The following DNM1 variants were observed in gnomAD, a reference collection of about 807,000 sequenced individuals.
DNM1 encodes the protein dynamin 1.
In DNM1, 29 loss-of-function variants were observed where a neutral mutation model predicts 104.6. The ratio of observed to expected loss-of-function variants is 0.28; its 90% CI spans 0.21 to 0.38. The LOEUF (loss-of-function observed/expected upper bound fraction) is 0.38, where lower values mean the gene tolerates loss of function less well. Among genes scored for constraint, DNM1 ranks in the 10% least tolerant of loss-of-function variants. DNM1 has a pLI of 1.00. For synonymous variants in DNM1, 445 were observed against 475.8 expected (o/e 0.94, Z 0.84); for missense variants, 640 against 1,189.4 (o/e 0.54, Z 6.79).
In DNM1 at chr9:128,255,212, TGAG is replaced by T. The variant is rs1829771958; in HGVS notation, c.*499_*501del. 1 of 155,860 alleles carries T rather than the reference TGAG, an allele frequency of 6.4e-6. No homozygotes were observed. Among genetic ancestry groups the T allele is most frequent in the African/African-American group, 2.4e-5 (1 of 41,466 alleles). 9.7% of individuals were successfully genotyped at this position (155,860 alleles called of 1,614,324 possible). ...TCTACCAGTCCTGCTGTCCCTCGGC[TGAG>T]AATAAAACCCATTTCTGGATGATGG... is the stretch of plus-strand genomic sequence containing the variant. On this transcript the variant is annotated 3_prime_UTR_variant, in exon 22 of 22. Transcript: ENST00000372923.
intron 1 of DNM1, among the ~76,000 whole-genome samples, chr9:128,216,837 T>C (rs191261445): frequency 6.6e-6 from 1 of 152,246 alleles, no homozygotes; most frequent in East Asian, 1.9e-4. Context: ...GAATGTATCT[T>C]TTTCCCTCCC....
chr9:128,207,816 C>G (rs1031949702), intron 1 of DNM1, among the ~76,000 whole-genome samples: 6 of 152,112 alleles, frequency 3.9e-5, no homozygotes, highest in Admixed American at 2.6e-4. Context: ...CCTGCCTGGG[C>G]GTAGACAGGC....
At position 128,224,402 on chromosome 9, in the gene DNM1, C is replaced by T. The variant is rs1330389436; in HGVS notation, c.1335+13C>T. On this transcript the variant is annotated intron_variant, in intron 10 of 21. Coordinates refer to ENST00000372923, the MANE Select transcript of DNM1 (RefSeq NM_004408.4). The surrounding 1 kb of genome is among the most constrained non-coding windows in gnomAD (Gnocchi z 4.3). ...GTGCACCAAGAAGGTAACCCGGAGG[C>T]CCGGGCCAGCCCCCACCGCCTCTGC... 8 of 1,602,594 alleles carry T rather than the reference C, an allele frequency of 5.0e-6. No individual in the cohort carries two copies. The highest frequency in any genetic ancestry group is 2.2e-5 in the East Asian group (1 of 44,650).
At position 128,253,427 on chromosome 9, in the gene DNM1, G is replaced by C. The variant is rs1829652303; in HGVS notation, c.2535-1227G>C. On this transcript the variant is annotated intron_variant, in intron 21 of 21. Transcript: ENST00000372923. The surrounding 1 kb of genome is among the most constrained non-coding windows in gnomAD (Gnocchi z 5.9). ...GCAGACATGGGTGCTCTCTGGAGCC[G>C]TCAGAGAGGGCAGAGAGCTCGTGGT... is the stretch of plus-strand genomic sequence containing the variant. The C allele has an allele frequency of 2.0e-6, 1 of 503,064 alleles. No individual in the cohort carries two copies. The highest frequency in any genetic ancestry group is 3.6e-6 in the Non-Finnish European group (1 of 278,976). 31.2% of individuals were successfully genotyped at this position (503,064 alleles called of 1,614,324 possible).
rs975548705 is a variant in DNM1 at position 128,240,172 on chromosome 9, G to A, written c.1557+176G>A. Among the ~76,000 whole-genome samples the A allele has an allele frequency of 2.0e-5, 3 of 152,120 alleles. No homozygotes were observed. Among genetic ancestry groups the A allele is most frequent in the South Asian group, 2.1e-4 (1 of 4,838 alleles). On this transcript the variant is annotated intron_variant, in intron 14 of 21. Transcript: ENST00000372923. This position sits in a 1 kb window ranked among gnomAD's most constrained non-coding sequence, Gnocchi z 5.1. ...GAGGCAGGCCCAGCCGCATCCACCCGTCCATCTGTGTGCACGAGCCAAGCA... is the reference window on the plus strand; with the variant it reads ...GAGGCAGGCCCAGCCGCATCCACCCATCCATCTGTGTGCACGAGCCAAGCA...
rs1285640797 is a variant in DNM1, at chr9:128,243,763, T to C, written c.1671+1418T>C. Among the ~76,000 whole-genome samples the C allele has an allele frequency of 6.6e-6, 1 of 151,854 alleles. No homozygotes were observed. Among genetic ancestry groups the C allele is most frequent in the Non-Finnish European group, 1.5e-5 (1 of 67,926 alleles). On this transcript the variant is annotated intron_variant, in intron 15 of 21. Transcript: ENST00000372923. The surrounding 1 kb of genome is among the most constrained non-coding windows in gnomAD (Gnocchi z 4.0). ...CTGAGGGCCGGAGACCGGGTGACAC[T>C]GTGGGGGAGGGGCACGTGCCACTGA...
intron 1 of DNM1, among the ~76,000 whole-genome samples, chr9:128,210,437 C>T (rs528349736): frequency 6.6e-6 from 1 of 151,848 alleles, no homozygotes; most frequent in African/African-American, 2.4e-5. Context: ...TCTCAGCTCA[C>T]TGCAACCTCC....
rs75242606 is a variant in DNM1, at chr9:128,214,365, C to T, written c.162-3866C>T. Among the ~76,000 whole-genome samples the T allele has an allele frequency of 8.6e-3, 1,317 of 152,294 alleles. 25 individuals are homozygous for T. The highest frequency in any genetic ancestry group is 0.03 in the African/African-American group (1,264 of 41,560). On this transcript the variant is annotated intron_variant, in intron 1 of 21. Transcript: ENST00000372923. ...TCATTTGTGCACAGCCACACAGCTC[C>T]TACATGACAGCTCAGACATTCAATG...
At chr9:128,237,772 T>C (rs1836104563) in intron 11 of DNM1, among the ~76,000 whole-genome samples, 2 of 151,922 alleles carry the variant, frequency 1.3e-5, no homozygotes, top group East Asian at 3.9e-4. Flanking sequence ...ATGTGCATTG[T>C]TTGTTTGTTT....
chr9:128,207,599 A>G (rs1466095613), intron 1 of DNM1, among the ~76,000 whole-genome samples: 2 of 152,096 alleles, frequency 1.3e-5, no homozygotes, highest in Non-Finnish European at 2.9e-5. Flanking sequence ...GTGTGGAGTC[A>G]GACCTGCCGA....
chr9:128,220,082 C>T lies in DNM1; in HGVS notation c.684C>T (p.Arg228=), dbSNP rs748756343. 8.1e-6 allele frequency: 13 copies of T among 1,613,256 alleles called. No individual in the cohort carries two copies. The South Asian group carries it at 1.3e-4, about 16-fold the overall frequency. ...TGGAGAACAAGCTGCTCCCCCTGCGCAGAGGTAAGCAGGCCATGCCCCTCA... is the reference window on the plus strand; with the variant it reads ...TGGAGAACAAGCTGCTCCCCCTGCGTAGAGGTAAGCAGGCCATGCCCCTCA... ...DVLENKLLPL[R]RGYIGVVNRS... Residue 228 remains arginine, a synonymous_variant, in exon 5 of 22, where the codon CGC becomes CGT. Coordinates refer to ENST00000372923, the MANE Select transcript of DNM1 (RefSeq NM_004408.4). The surrounding 1 kb of genome is among the most constrained non-coding windows in gnomAD (Gnocchi z 5.2).
intron 15 of DNM1, among the ~76,000 whole-genome samples, chr9:128,242,890 G>A (rs776475348): frequency 6.6e-6 from 1 of 152,124 alleles, no homozygotes; most frequent in African/African-American, 2.4e-5. Context: ...AGGAGCCTGG[G>A]GCTAAGCGCC....
intron 4 of DNM1, 90 bp downstream of exon 4, chr9:128,219,342 G>T: frequency 8.6e-7 from 1 of 1,156,580 alleles, no homozygotes; most frequent in East Asian, 2.4e-5. Context: ...AACGGTCTAA[G>T]AATAGCGGTG....
intron 1 of DNM1, among the ~76,000 whole-genome samples, chr9:128,212,970 G>A (rs1834390734): frequency 6.6e-6 from 1 of 152,214 alleles, no homozygotes; most frequent in Non-Finnish European, 1.5e-5. Context: ...CAATTCATCA[G>A]TGTTTAGCCA....
At chr9:128,223,909 C>T (rs983117733) in intron 9 of DNM1, 63 of 169,012 alleles carry the variant, frequency 3.7e-4, no homozygotes, top group African/African-American at 1.3e-3. Flanking sequence ...ATTAGCCGGG[C>T]GTGGTGGCAG....
chr9:128,249,378 C>T (rs1193456188), intron 19 of DNM1, among the ~76,000 whole-genome samples: 4 of 149,598 alleles, frequency 2.7e-5, no homozygotes, highest in Non-Finnish European at 5.9e-5. Flanking sequence ...GGGGGTTGGC[C>T]GGGCGCGGTA....
chr9:128,222,015 C>A lies in DNM1; in HGVS notation c.850-182C>A, dbSNP rs1445646293. On this transcript the variant is annotated intron_variant, in intron 6 of 21. Coordinates refer to ENST00000372923, the MANE Select transcript of DNM1 (RefSeq NM_004408.4). This position sits in a 1 kb window ranked among gnomAD's most constrained non-coding sequence, Gnocchi z 7.8. ...GAAAATTATGCACTCATTAATTCAA[C>A]TAATACATCTCTGCAAGCTCCTTCT... Among the ~76,000 whole-genome samples the A allele has an allele frequency of 6.6e-6, 1 of 152,190 alleles. No homozygotes were observed. Among genetic ancestry groups the A allele is most frequent in the African/African-American group, 2.4e-5 (1 of 41,442 alleles).
At chr9:128,249,553 G>C (rs1031938675) in intron 19 of DNM1, among the ~76,000 whole-genome samples, 1 of 152,072 alleles carries the variant, frequency 6.6e-6, no homozygotes, top group Admixed American at 6.6e-5. Flanking sequence ...CTACTCAGGA[G>C]GCTGAGGCAG....
Position 128,245,696 on chromosome 9 carries a change from A to G in DNM1, c.1672-698A>G, listed in dbSNP as rs761153737. On this transcript the variant is annotated intron_variant, in intron 15 of 21. Transcript: ENST00000372923. The surrounding 1 kb of genome is among the most constrained non-coding windows in gnomAD (Gnocchi z 5.2). ...CACAGGCATGGCTCTGCAAACATGT[A>G]GGCTCGCACAATTGCCACACACATC... Among the ~76,000 whole-genome samples, 7 of 152,244 alleles carry G rather than the reference A, an allele frequency of 4.6e-5. No individual in the cohort carries two copies. The highest frequency in any genetic ancestry group is 6.5e-5 in the Admixed American group (1 of 15,288).
Sources: gnomAD v4.1 joint callset for allele counts (sites outside exome capture counted in the v4.1 genomes callset) on GRCh38, gnomAD v4.1.1 for gene constraint, Gnocchi (gnomAD v3.1) non-coding constraint, MANE v1.5 for transcripts, NCBI Gene and HGNC (gene_info 2026-07-23, HGNC 2026-07-21) for gene names.